PARN: variants seen among roughly 807,000 people sequenced by gnomAD.
PARN encodes poly(A)-specific ribonuclease.
In PARN, 71 loss-of-function variants were observed where a neutral mutation model predicts 102.8. That is an observed-to-expected ratio of 0.69 (90% confidence interval 0.57 to 0.84). The LOEUF is 0.84. Among genes scored for constraint, PARN ranks in the 40% least tolerant of loss-of-function variants. The pLI is 0.00. For synonymous variants in PARN, 261 were observed against 252.9 expected (o/e 1.03, Z -0.30); for missense variants, 782 against 760.9 (o/e 1.03, Z -0.33).
intron 21 of PARN, among the ~76,000 whole-genome samples, chr16:14,499,458 G>A (rs998051148): frequency 6.6e-6 from 1 of 152,190 alleles, no homozygotes; most frequent in Non-Finnish European, 1.5e-5. Flanking sequence ...AAAATTCAAA[G>A]AAGTAACAAG....
At chr16:14,622,642 C>T (rs953293773) in intron 5 of PARN, among the ~76,000 whole-genome samples, 2 of 152,194 alleles carry the variant, frequency 1.3e-5, no homozygotes, top group East Asian at 3.9e-4. Context: ...GTAGCTGGGA[C>T]TACAGGCGCC....
At chr16:14,439,591 A>C (rs1384466269) in intron 23 of PARN, among the ~76,000 whole-genome samples, 2 of 152,240 alleles carry the variant, frequency 1.3e-5, no homozygotes, top group Admixed American at 6.5e-5. Flanking sequence ...CATAGAAGAA[A>C]ATATTTGCAA....
chr16:14,581,619 C>T (rs1298608263), intron 17 of PARN, among the ~76,000 whole-genome samples: 2 of 152,080 alleles, frequency 1.3e-5, no homozygotes, highest in Non-Finnish European at 2.9e-5. Flanking sequence ...AATTAGTGCC[C>T]TTATAAGAAG....
intron 22 of PARN, among the ~76,000 whole-genome samples, chr16:14,479,758 G>A (rs1301376399): frequency 6.6e-6 from 1 of 151,904 alleles, no homozygotes; most frequent in Non-Finnish European, 1.5e-5. Flanking sequence ...AACCAATGAA[G>A]GAAGAAAACT....
intron 21 of PARN, among the ~76,000 whole-genome samples, chr16:14,509,669 G>A (rs1420760006): frequency 6.6e-6 from 1 of 152,144 alleles, no homozygotes; most frequent in Non-Finnish European, 1.5e-5. Context: ...CAATTTCTAA[G>A]AGCACTTGAA....
At chr16:14,568,624 C>T (rs1423440197) in intron 18 of PARN, among the ~76,000 whole-genome samples, 1 of 151,820 alleles carries the variant, frequency 6.6e-6, no homozygotes, top group Admixed American at 6.6e-5. Flanking sequence ...AAATGCCGGG[C>T]GCTGGCAGGG....
chr16:14,572,854 AC>A (rs778404402), intron 18 of PARN, among the ~76,000 whole-genome samples: 1 of 151,910 alleles, frequency 6.6e-6, no homozygotes, highest in Non-Finnish European at 1.5e-5. Flanking sequence ...CTCTACCTTT[AC>A]TGAATCTCCT....
chr16:14,510,660 CT>C (rs1344283642), intron 21 of PARN, among the ~76,000 whole-genome samples: 2 of 152,204 alleles, frequency 1.3e-5, no homozygotes, highest in African/African-American at 2.4e-5. Context: ...TACCCTTCTG[CT>C]TTTTTGAAGT....
chr16:14,484,023 T>C (rs1203529922), intron 21 of PARN, among the ~76,000 whole-genome samples: 2 of 152,266 alleles, frequency 1.3e-5, no homozygotes, highest in South Asian at 2.1e-4. Context: ...CCAAAGTCCA[T>C]TACATCATTC....
chr16:14,512,365 T>C (rs1965234890), intron 21 of PARN, among the ~76,000 whole-genome samples: 2 of 152,052 alleles, frequency 1.3e-5, no homozygotes. Flanking sequence ...TAGCTGGGTG[T>C]GGTGGTGCAC....
chr16:14,519,680 T>C (rs1280017009), intron 21 of PARN, among the ~76,000 whole-genome samples: 2 of 152,130 alleles, frequency 1.3e-5, no homozygotes, highest in Non-Finnish European at 2.9e-5. Flanking sequence ...TATTATAGAT[T>C]TCTCTATGTC....
At chr16:14,492,229 A>G (rs923340988) in intron 21 of PARN, among the ~76,000 whole-genome samples, 1 of 152,246 alleles carries the variant, frequency 6.6e-6, no homozygotes, top group Non-Finnish European at 1.5e-5. Context: ...AGACAAAACT[A>G]GGGAAGATAG....
chr16:14,598,746 C>T (rs1567432697), intron 12 of PARN, among the ~76,000 whole-genome samples: 1 of 152,164 alleles, frequency 6.6e-6, no homozygotes, highest in African/African-American at 2.4e-5. Flanking sequence ...CTGTTTATCC[C>T]GGAATGAGGA....
intron 16 of PARN, among the ~76,000 whole-genome samples, chr16:14,584,042 A>C (rs1369435535): frequency 1.3e-5 from 2 of 152,240 alleles, no homozygotes; most frequent in Non-Finnish European, 2.9e-5. Flanking sequence ...TAATGTATGA[A>C]AGAATAAAAG....
chr16:14,549,519 A>C (rs1375710680), intron 21 of PARN, among the ~76,000 whole-genome samples: 1 of 152,230 alleles, frequency 6.6e-6, no homozygotes, highest in African/African-American at 2.4e-5. Context: ...CCACGGAATA[A>C]AATACTTAGC....
chr16:14,533,895 C>A (rs982809825), intron 21 of PARN, among the ~76,000 whole-genome samples: 1 of 152,184 alleles, frequency 6.6e-6, no homozygotes, highest in African/African-American at 2.4e-5. Flanking sequence ...TCTTCCACAT[C>A]TAAATTCAGT....
At chr16:14,535,693 CAG>C (rs1966578139) in intron 21 of PARN, among the ~76,000 whole-genome samples, 1 of 152,148 alleles carries the variant, frequency 6.6e-6, no homozygotes, top group Non-Finnish European at 1.5e-5. Context: ...TTGAGAAAAA[CAG>C]AGCACATACA....
In PARN at chr16:14,611,793, C is replaced by T. The variant is rs538208139; in HGVS notation, c.389-984G>A. On this transcript the variant is annotated intron_variant, in intron 6 of 23. Transcript: ENST00000437198. ...AGACCTCACCGCCTGCCTCAGCCTT[C>T]CAAAGTGCTGGGATTACAGGCGGGA... is the stretch of plus-strand genomic sequence containing the variant. 7.4e-4 allele frequency among the ~76,000 whole-genome samples: 113 copies of T among 152,296 alleles called. 1 individual carries two copies. The highest frequency in any genetic ancestry group is 1.5e-3 in the South Asian group (7 of 4,826).
At chr16:14,497,550 T>C (rs1191155273) in intron 21 of PARN, among the ~76,000 whole-genome samples, 1 of 152,212 alleles carries the variant, frequency 6.6e-6, no homozygotes, top group Non-Finnish European at 1.5e-5. Context: ...TTGGGCTGTT[T>C]ATGAAGTATT....
Sources: gnomAD v4.1 joint callset for allele counts (sites outside exome capture counted in the v4.1 genomes callset) on GRCh38, gnomAD v4.1.1 for gene constraint, MANE v1.5 for transcripts, NCBI Gene and HGNC (gene_info 2026-07-23, HGNC 2026-07-21) for gene names.